Variants in ANXA8 observed in about 807,000 individuals in gnomAD.
ANXA8 encodes annexin A8.
Under a neutral mutation model 26.8 loss-of-function variants are expected in ANXA8, and 9 were observed. The ratio of observed to expected loss-of-function variants is 0.34; its 90% confidence interval spans 0.20 to 0.59. The LOEUF is 0.59. Ranked by LOEUF, ANXA8 falls within the 20% of genes least tolerant of loss-of-function variation. The pLI is 0.84. For synonymous variants in ANXA8, 39 were observed against 94.8 expected (o/e 0.41, Z 3.42); for missense variants, 83 against 238.5 (o/e 0.35, Z 4.29).
At chr10:47,677,653 CT>C in the ANXA8 span, among the ~76,000 whole-genome samples, 1 of 98,196 alleles carries the variant, frequency 1.0e-5, no homozygotes, top group South Asian at 3.8e-4. Context: ...GTAAGAGAAT[CT>C]TTGATTGGAC....
the ANXA8 span, among the ~76,000 whole-genome samples, chr10:47,645,519 G>C: frequency 0.057 from 8,303 of 145,544 alleles, 294 homozygotes; most frequent in African/African-American, 0.2. Context: ...AAGAGAAAGA[G>C]AAAGACAAAG....
chr10:47,566,231 A>C, the ANXA8 span, among the ~76,000 whole-genome samples: 12 of 151,768 alleles, frequency 7.9e-5, no homozygotes, highest in Admixed American at 2.0e-4. Flanking sequence ...TGGTATTTAA[A>C]CCGAAACACA....
the ANXA8 span, among the ~76,000 whole-genome samples, chr10:47,573,262 G>A: frequency 5.8e-4 from 87 of 149,606 alleles, 2 homozygotes; most frequent in Non-Finnish European, 7.4e-4. Context: ...GATTACAGGC[G>A]TGAGCCACCG....
chr10:47,660,227 T>G, the ANXA8 span, among the ~76,000 whole-genome samples: 5 of 147,426 alleles, frequency 3.4e-5, no homozygotes, highest in Non-Finnish European at 7.4e-5. Flanking sequence ...AACTGTTGTT[T>G]AATTTGATAA....
chr10:47,670,229 A>C, the ANXA8 span, among the ~76,000 whole-genome samples: 1 of 151,770 alleles, frequency 6.6e-6, no homozygotes, highest in African/African-American at 2.4e-5. Flanking sequence ...CATTGTGTGG[A>C]TATATCACAT....
chr10:47,492,177 A>T, the ANXA8 span, among the ~76,000 whole-genome samples: 1 of 151,050 alleles, frequency 6.6e-6, no homozygotes, highest in Non-Finnish European at 1.5e-5. Context: ...AATGAGGGTG[A>T]CTGCCCTCCC....
chr10:47,585,690 C>G, the ANXA8 span, among the ~76,000 whole-genome samples: 4 of 134,768 alleles, frequency 3.0e-5, no homozygotes, highest in Non-Finnish European at 4.7e-5. Flanking sequence ...GAGAAGATTT[C>G]CCTGGTTTGG....
the ANXA8 span, among the ~76,000 whole-genome samples, chr10:47,510,002 A>G: frequency 7.0e-6 from 1 of 142,278 alleles, no homozygotes; most frequent in Admixed American, 7.2e-5. Flanking sequence ...TTTTCCTTCC[A>G]CCACGACGTC....
At chr10:47,775,908 T>C in the ANXA8 span, among the ~76,000 whole-genome samples, 1 of 151,264 alleles carries the variant, frequency 6.6e-6, no homozygotes, top group African/African-American at 2.4e-5. Context: ...CTATCCAATT[T>C]CTCTTTTTTA....
At chr10:47,513,651 A>G in the ANXA8 span, among the ~76,000 whole-genome samples, 202 of 140,694 alleles carry the variant, frequency 1.4e-3, 27 homozygotes, top group South Asian at 0.045. Context: ...ATAAGGCCAT[A>G]GTCGCCAAAA....
chr10:47,985,736 TAAA>T, the ANXA8 span: 25 of 140,468 alleles, frequency 1.8e-4, no homozygotes, highest in African/African-American at 5.0e-4. Context: ...AAGCAACTAT[TAAA>T]AAAAAAAAAA....
chr10:47,678,979 G>T, the ANXA8 span, among the ~76,000 whole-genome samples: 2 of 123,608 alleles, frequency 1.6e-5, no homozygotes, highest in East Asian at 2.3e-4. Flanking sequence ...GGAGATGTAG[G>T]TTGCAGTAAG....
chr10:47,560,513 A>G, the ANXA8 span, among the ~76,000 whole-genome samples: 4 of 151,668 alleles, frequency 2.6e-5, no homozygotes, highest in African/African-American at 9.7e-5. Context: ...TAGACTTTTT[A>G]ATTGCTTTGT....
intron 1 of ANXA8, among the ~76,000 whole-genome samples, chr10:47,483,507 T>A (rs1194593725): frequency 3.7e-5 from 5 of 135,488 alleles, no homozygotes; most frequent in Non-Finnish European, 7.7e-5. Context: ...TGCACACAGT[T>A]CCCTCTGCCA....
the ANXA8 span, among the ~76,000 whole-genome samples, chr10:47,636,712 C>A: frequency 6.6e-6 from 1 of 152,202 alleles, no homozygotes; most frequent in Middle Eastern, 3.4e-3. Context: ...CCTTCAACAA[C>A]AAATGCAAAA....
chr10:47,666,435 C>T, the ANXA8 span, among the ~76,000 whole-genome samples: 28 of 151,462 alleles, frequency 1.8e-4, no homozygotes, highest in African/African-American at 6.3e-4. Flanking sequence ...TACAACAGTC[C>T]TAAGAGAGGA....
chr10:47,980,566 A>G, the ANXA8 span, among the ~76,000 whole-genome samples: 1 of 151,366 alleles, frequency 6.6e-6, no homozygotes, highest in South Asian at 2.1e-4. Flanking sequence ...TTCCCTATAC[A>G]TTAAATTATT....
chr10:47,697,420 T>G, the ANXA8 span, among the ~76,000 whole-genome samples: 1 of 151,648 alleles, frequency 6.6e-6, no homozygotes. Context: ...TTTGATAAAA[T>G]GCTGAAGTAT....
At chr10:47,702,009 A>C in the ANXA8 span, among the ~76,000 whole-genome samples, 2 of 149,896 alleles carry the variant, frequency 1.3e-5, no homozygotes, top group African/African-American at 4.9e-5. Flanking sequence ...TCAAAGGGGA[A>C]TGGCTTAGCA....
Sources: allele counts gnomAD v4.1 joint callset (sites outside exome capture counted in the v4.1 genomes callset), GRCh38; gene constraint gnomAD v4.1.1; transcripts MANE v1.5; gene names NCBI Gene and HGNC (gene_info 2026-07-23, HGNC 2026-07-21).